RAD51C: variants seen among roughly 807,000 people sequenced by gnomAD.
RAD51C encodes RAD51 paralog C, also known as DNA repair protein RAD51 homolog 3.
Under a neutral mutation model 45.0 loss-of-function variants are expected in RAD51C, and 42 were observed. The ratio of observed to expected loss-of-function variants is 0.93; its 90% CI spans 0.73 to 1.21. RAD51C has a LOEUF of 1.21. Among genes scored for constraint, RAD51C ranks in the 50% most tolerant of loss-of-function variants. The pLI is 0.00. For missense variants in RAD51C, 474 were observed against 452.2 expected (o/e 1.05, Z -0.44); for synonymous variants, 172 against 159.8 (o/e 1.08, Z -0.58).
At chr17:58,692,900 C>A (rs1057372852) in intron 1 of RAD51C, 112 bp downstream of exon 1, 30 of 1,499,730 alleles carry the variant, frequency 2.0e-5, no homozygotes, top group East Asian at 1.4e-4. Flanking sequence ...CTGCTTCCTC[C>A]CACGTCCATG....
chr17:58,735,516 C>T lies in RAD51C; in HGVS notation c.*1294C>T, dbSNP rs1336833247. ...CTGGCCTCATTTCTATATTTTGAAA[C>T]ACGGTATGATCCATTCTAGAATTCT... On this transcript the variant is annotated 3_prime_UTR_variant, in exon 9 of 9. Transcript: ENST00000337432. The T allele has an allele frequency of 6.6e-6, 1 of 152,030 alleles. No individual in the cohort carries two copies. Among genetic ancestry groups the T allele is most frequent in the East Asian group, 1.9e-4 (1 of 5,174 alleles). The allele number at this position is 152,030 out of a possible 1,614,324, so 9.4% of individuals were successfully genotyped here.
intron 4 of RAD51C, chr17:58,705,993 TC>T (rs2048366397): frequency 6.6e-6 from 1 of 152,102 alleles, no homozygotes; most frequent in Non-Finnish European, 1.5e-5. Context: ...GAAGTGAAAT[TC>T]CCTTCCAGCT....
rs775672074 is a variant in RAD51C at position 58,732,541 on chromosome 17, C to A, written c.1023C>A (p.Ile341=). The A allele has an allele frequency of 8.7e-6, 14 of 1,611,432 alleles. No homozygotes were observed. The South Asian group carries it at 1.4e-4, about 16-fold the overall frequency. ...SQKECTVLFQ[I]KPQGFRDTVV... ...AGGAATGCACAGTACTGTTTCAAAT[C>A]AAAGTCAGTATTATTTGATTAGAGT... The change falls in exon 8 of 9, where the codon ATC becomes ATA. Residue 341 remains isoleucine (I), a synonymous_variant. Coordinates refer to ENST00000337432, the MANE Select transcript of RAD51C (RefSeq NM_058216.3).
rs1057517812 is a variant in RAD51C at position 58,696,845 on chromosome 17, AAC to A, written c.561_562del (p.His187GlnfsTer15). 6.2e-7 allele frequency: 1 copy of A among 1,614,180 alleles called. No individual in the cohort carries two copies. ...CAGCACCTTCAGCTTATAGCAGAAA[AAC>A]ACAAGGGAGAGGGTAAGTTAGTAAA... On this transcript the variant is annotated frameshift_variant, in exon 3 of 9. Coordinates refer to ENST00000337432, the MANE Select transcript of RAD51C (RefSeq NM_058216.3). LOFTEE classifies it high-confidence loss of function.
At chr17:58,700,528 T>C (rs1335823773) in intron 3 of RAD51C, among the ~76,000 whole-genome samples, 2 of 152,078 alleles carry the variant, frequency 1.3e-5, no homozygotes, top group East Asian at 3.9e-4. Flanking sequence ...CTGCAAGCTC[T>C]GCCTCCTGGG....
chr17:58,703,323 C>T lies in RAD51C; in HGVS notation c.699C>T (p.His233=), dbSNP rs2143802226. The T allele has an allele frequency of 6.2e-7, 1 of 1,612,060 alleles. No homozygotes were observed. The highest frequency in any genetic ancestry group is 8.5e-7 in the Non-Finnish European group (1 of 1,178,498). The change falls in exon 4 of 9, where the codon CAC becomes CAT. Residue 233 remains histidine, a synonymous_variant. Coordinates refer to ENST00000337432, the MANE Select transcript of RAD51C (RefSeq NM_058216.3). ...VYLLPDFLSE[H]SKVRLVIVDG... is the part of the protein sequence containing the mutation. ...TTCTTCCAGATTTCCTTTCAGAACA[C>T]TCAAAGGTATGAGTCAGACTACTGA...
At chr17:58,710,452 C>T (rs1029222434) in intron 5 of RAD51C, among the ~76,000 whole-genome samples, 9 of 148,182 alleles carry the variant, frequency 6.1e-5, no homozygotes, top group African/African-American at 1.8e-4. Context: ...GGGTGGAGAA[C>T]GCGCCATCAC....
At chr17:58,694,856 TAA>T (rs762976974) in intron 1 of RAD51C, 73 bp from the exon 2 acceptor site, 2 of 1,318,472 alleles carry the variant, frequency 1.5e-6, no homozygotes, top group Non-Finnish European at 2.2e-6. Flanking sequence ...TACAAATTAA[TAA>T]AGACAATCGA....
At chr17:58,723,460 C>G (rs2048993778) in intron 6 of RAD51C, among the ~76,000 whole-genome samples, 1 of 151,774 alleles carries the variant, frequency 6.6e-6, no homozygotes, top group Non-Finnish European at 1.5e-5. Flanking sequence ...CGTATGCTCT[C>G]CCCCCAAGAG....
chr17:58,712,275 G>A (rs1197586643), intron 5 of RAD51C, among the ~76,000 whole-genome samples: 4 of 149,316 alleles, frequency 2.7e-5, no homozygotes, highest in African/African-American at 7.4e-5. Flanking sequence ...AACCCAGAAG[G>A]CGGAGGTTGC....
chr17:58,695,551 C>T (rs556329831), intron 2 of RAD51C, among the ~76,000 whole-genome samples: 47 of 149,678 alleles, frequency 3.1e-4, no homozygotes, highest in African/African-American at 1.1e-3. Context: ...TTTGGGAGGC[C>T]GAGGCAGGAG....
intron 7 of RAD51C, among the ~76,000 whole-genome samples, chr17:58,726,648 A>G (rs1264764784): frequency 6.6e-6 from 1 of 150,990 alleles, no homozygotes; most frequent in Non-Finnish European, 1.5e-5. Flanking sequence ...ATATACGTAT[A>G]CGTATAGATG....
Position 58,695,008 on chromosome 17 carries a change from T to TA in RAD51C, c.224dup (p.Tyr75Ter), listed in dbSNP as rs730881939. The change falls in exon 2 of 9, where the codon TAT becomes TAAT. Residue 75 changes from tyrosine to a stop codon, truncating the protein, a stop_gained and frameshift_variant. Transcript: ENST00000337432. LOFTEE classifies it high-confidence loss of function. Reference protein sequence around the residue: ...RRECLTNKPRYAGTSESHKKC... With the variant: ...RRECLTNKPR ...AGAATGTCTCACAAATAAACCAAGATATGCTGGTACATCTGAGTCACACAA... is the reference window on the plus strand; with the variant it reads ...AGAATGTCTCACAAATAAACCAAGATAATGCTGGTACATCTGAGTCACACAA... 12 of 1,613,980 alleles carry TA rather than the reference T, an allele frequency of 7.4e-6. No individual in the cohort carries two copies. The highest frequency in any genetic ancestry group is 1.0e-5 in the Non-Finnish European group (12 of 1,179,996).
At chr17:58,713,218 C>A (rs1292325281) in intron 5 of RAD51C, among the ~76,000 whole-genome samples, 2 of 152,166 alleles carry the variant, frequency 1.3e-5, no homozygotes, top group African/African-American at 2.4e-5. Context: ...TTGTGAACAT[C>A]TTTCCATGTA....
chr17:58,723,715 AAAG>A (rs1161655066), intron 6 of RAD51C, among the ~76,000 whole-genome samples: 4 of 152,190 alleles, frequency 2.6e-5, no homozygotes, highest in Non-Finnish European at 5.9e-5. Context: ...AAAAAAAAAA[AAAG>A]AATATTCTAC....
intron 3 of RAD51C, among the ~76,000 whole-genome samples, chr17:58,697,143 T>A (rs1487814356): frequency 6.6e-6 from 1 of 152,192 alleles, no homozygotes; most frequent in Non-Finnish European, 1.5e-5. Context: ...CAGGTGTAAG[T>A]TAACGGTGCC....
At chr17:58,712,736 C>T (rs2143873794) in intron 5 of RAD51C, among the ~76,000 whole-genome samples, 1 of 152,076 alleles carries the variant, frequency 6.6e-6, no homozygotes, top group Non-Finnish European at 1.5e-5. Flanking sequence ...AGGAGAATGG[C>T]ATGAACCCGG....
chr17:58,721,799 A>G (rs1392987676), intron 6 of RAD51C, among the ~76,000 whole-genome samples: 1 of 152,078 alleles, frequency 6.6e-6, no homozygotes, highest in Non-Finnish European at 1.5e-5. Context: ...CTAGTTTTCA[A>G]CTAATGGCAT....
At chr17:58,695,531 A>C (rs1376337295) in intron 2 of RAD51C, among the ~76,000 whole-genome samples, 1 of 152,180 alleles carries the variant, frequency 6.6e-6, no homozygotes, top group African/African-American at 2.4e-5. Context: ...CATGCCTATA[A>C]TCCCAGCACT....
Sources: gnomAD v4.1 joint callset for allele counts (sites outside exome capture counted in the v4.1 genomes callset) on GRCh38, gnomAD v4.1.1 for gene constraint, MANE v1.5 for transcripts, NCBI Gene and HGNC (gene_info 2026-07-23, HGNC 2026-07-21) for gene names.